Variants in PIP5K1C observed in about 807,000 individuals in gnomAD.
PIP5K1C encodes the protein phosphatidylinositol 4-phosphate 5-kinase type-1 gamma.
PIP5K1C carries 45 observed loss-of-function variants against 80.1 expected under a neutral mutation model. The observed-to-expected ratio is 0.56, with a 90% CI of 0.44 to 0.72. The LOEUF (loss-of-function observed/expected upper bound fraction) is 0.72. Among genes scored for constraint, PIP5K1C ranks in the 30% least tolerant of loss-of-function variants. PIP5K1C has a pLI of 0.00. For missense variants in PIP5K1C, 753 were observed against 954.6 expected (o/e 0.79, Z 2.78); for synonymous variants, 498 against 420.1 (o/e 1.19, Z -2.27).
In PIP5K1C at chr19:3,643,249, C is replaced by T. The variant is rs767588604; in HGVS notation, c.1643G>A (p.Arg548Gln). Residue 548 changes from arginine (R) to glutamine (Q), a missense_variant, in exon 13 of 18, where the codon CGG becomes CAG. Arg to Gln is a conservative substitution (Grantham distance 43, BLOSUM62 1). Coordinates refer to ENST00000335312, the MANE Select transcript of PIP5K1C (RefSeq NM_012398.3). ...CTGCGGATGCCTCGCCCACCTGTACCGCGGCTGCTCCGACGTCTCCGAGGG... is the reference window on the plus strand; with the variant it reads ...CTGCGGATGCCTCGCCCACCTGTACTGCGGCTGCTCCGACGTCTCCGAGGG... ...RSPSETSEQP[R>Q]YRRRTQSSGQ... 1.2e-5 allele frequency: 19 copies of T among 1,613,390 alleles called. No homozygotes were observed. Among genetic ancestry groups the T allele is most frequent in the Admixed American group, 3.3e-5 (2 of 60,002 alleles).
At chr19:3,640,171 G>A in intron 15 of PIP5K1C, among the ~76,000 whole-genome samples, 1 of 152,194 alleles carries the variant, frequency 6.6e-6, no homozygotes, top group Non-Finnish European at 1.5e-5. Context: ...GAAGAATTTG[G>A]TAACAGTGCA....
chr19:3,665,865 C>T (rs1376337867), intron 2 of PIP5K1C, among the ~76,000 whole-genome samples: 1 of 152,134 alleles, frequency 6.6e-6, no homozygotes, highest in Non-Finnish European at 1.5e-5. Context: ...TAAGGAGCGC[C>T]ACTGCGTTTG....
Position 3,639,030 on chromosome 19 carries a change from T to G in PIP5K1C, c.1788-14A>C. 6.2e-7 allele frequency: 1 copy of G among 1,608,228 alleles called. No individual in the cohort carries two copies. Among genetic ancestry groups the G allele is most frequent in the Non-Finnish European group, 8.5e-7 (1 of 1,179,584 alleles). ...GAAGCCTCCACCCTGGGGACAGGAG[T>G]AGACAGAGGGTCTTGACCCTCAGGC... On this transcript the variant is annotated splice_polypyrimidine_tract_variant and intron_variant, in intron 15 of 17. Coordinates refer to ENST00000335312, the MANE Select transcript of PIP5K1C (RefSeq NM_012398.3).
chr19:3,650,210 G>C, intron 8 of PIP5K1C, among the ~76,000 whole-genome samples: 1 of 152,308 alleles, frequency 6.6e-6, no homozygotes, highest in East Asian at 1.9e-4. Context: ...CCGTCCCTGG[G>C]GCCAGGCCAG....
At chr19:3,672,529 T>A (rs997093098) in intron 1 of PIP5K1C, 22 of 152,544 alleles carry the variant, frequency 1.4e-4, no homozygotes, top group African/African-American at 4.3e-4. Flanking sequence ...CCTCTCCACA[T>A]CTGTCTGACA....
At chr19:3,641,376 C>A (rs1004663229) in intron 15 of PIP5K1C, among the ~76,000 whole-genome samples, 2 of 152,172 alleles carry the variant, frequency 1.3e-5, no homozygotes, top group African/African-American at 2.4e-5. Context: ...GGAACCAGGT[C>A]CTTCTCTGGG....
At chr19:3,641,555 A>G in intron 15 of PIP5K1C, 150 bp downstream of exon 15, 2 of 682,620 alleles carry the variant, frequency 2.9e-6, no homozygotes, top group Non-Finnish European at 5.3e-6. Flanking sequence ...CACTCCCTTC[A>G]ATCAAAAAAT....
intron 5 of PIP5K1C, among the ~76,000 whole-genome samples, chr19:3,660,336 C>T (rs1427390098): frequency 1.3e-5 from 2 of 151,742 alleles, no homozygotes; most frequent in Non-Finnish European, 2.9e-5. Flanking sequence ...GCCGAGATCG[C>T]ACCACTGCAC....
At chr19:3,657,445 G>A (rs1794833969) in intron 5 of PIP5K1C, among the ~76,000 whole-genome samples, 1 of 152,166 alleles carries the variant, frequency 6.6e-6, no homozygotes, top group Non-Finnish European at 1.5e-5. Context: ...GTCGCCATTG[G>A]TGTACACGGA....
chr19:3,691,392 G>A lies in PIP5K1C; in HGVS notation c.94+8905C>T, dbSNP rs114203581. ...AAGCGGATTCCTAAACGTTGCAAAC[G>A]GCCCGCCTGCGAGCACACTGTGACG... On this transcript the variant is annotated intron_variant, in intron 1 of 17. Coordinates refer to ENST00000335312, the MANE Select transcript of PIP5K1C (RefSeq NM_012398.3). 2.6e-3 allele frequency among the ~76,000 whole-genome samples: 389 copies of A among 152,228 alleles called. 2 individuals are homozygous for A. The highest frequency in any genetic ancestry group is 8.9e-3 in the African/African-American group (368 of 41,508).
intron 8 of PIP5K1C, among the ~76,000 whole-genome samples, chr19:3,651,383 G>A (rs897609646): frequency 3.9e-5 from 6 of 152,150 alleles, no homozygotes; most frequent in African/African-American, 1.2e-4. Context: ...GTGTGGAATC[G>A]GATTTTGCAG....
At chr19:3,645,292 G>A (rs770968025) in intron 11 of PIP5K1C, among the ~76,000 whole-genome samples, 3 of 152,266 alleles carry the variant, frequency 2.0e-5, no homozygotes, top group Non-Finnish European at 4.4e-5. Flanking sequence ...GGAGCCTTCT[G>A]GTGGGGAGGG....
chr19:3,656,645 A>C, intron 5 of PIP5K1C, 88 bp from the exon 6 acceptor site: 1 of 1,458,746 alleles, frequency 6.9e-7, no homozygotes, highest in Non-Finnish European at 9.6e-7. Flanking sequence ...AGCCCCAGGA[A>C]CTGATGACGG....
intron 5 of PIP5K1C, among the ~76,000 whole-genome samples, chr19:3,659,952 C>A (rs1433336637): frequency 1.3e-5 from 2 of 152,228 alleles, no homozygotes; most frequent in Non-Finnish European, 2.9e-5. Flanking sequence ...ACGCCAACCG[C>A]ACTTGTCTAC....
intron 15 of PIP5K1C, 47 bp from the exon 16 acceptor site, chr19:3,639,063 G>A (rs778397317): frequency 3.7e-6 from 6 of 1,601,242 alleles, no homozygotes; most frequent in Non-Finnish European, 5.1e-6. Context: ...GGCCCCACAC[G>A]GAGACTCCCC....
intron 5 of PIP5K1C, among the ~76,000 whole-genome samples, chr19:3,657,693 GC>G (rs1310485270): frequency 6.6e-6 from 1 of 152,046 alleles, no homozygotes; most frequent in Non-Finnish European, 1.5e-5. Context: ...ACCTTGGGAG[GC>G]TGAGGAGGAT....
intron 4 of PIP5K1C, 38 bp from the exon 5 acceptor site, chr19:3,661,121 G>T: frequency 1.4e-6 from 2 of 1,389,170 alleles, no homozygotes; most frequent in South Asian, 1.2e-5. Context: ...GTGAGGGGTG[G>T]TGGGCACCTC....
intron 5 of PIP5K1C, among the ~76,000 whole-genome samples, chr19:3,658,301 T>A (rs1013085010): frequency 6.6e-6 from 1 of 152,244 alleles, no homozygotes; most frequent in Non-Finnish European, 1.5e-5. Context: ...GCTTCTGCCA[T>A]GGCCTGGCTG....
In PIP5K1C at chr19:3,688,508, C is replaced by T. The variant is rs2035842507; in HGVS notation, c.94+11789G>A. 1.3e-5 allele frequency among the ~76,000 whole-genome samples: 2 copies of T among 152,164 alleles called. No individual in the cohort carries two copies. The highest frequency in any genetic ancestry group is 4.8e-5 in the African/African-American group (2 of 41,448). ...CCCAGGCAGCTCCGGTGAGGCCACC[C>T]TCGCCCCCTGGTTTCAACTCCTGCT... On this transcript the variant is annotated intron_variant, in intron 1 of 17. Transcript: ENST00000335312. This position sits in a 1 kb window ranked among gnomAD's most constrained non-coding sequence, Gnocchi z 5.3.
Sources: allele counts gnomAD v4.1 joint callset (sites outside exome capture counted in the v4.1 genomes callset), GRCh38; gene constraint gnomAD v4.1.1; non-coding constraint Gnocchi (gnomAD v3.1); transcripts MANE v1.5; gene names NCBI Gene and HGNC (gene_info 2026-07-23, HGNC 2026-07-21).